Variants in TAFA2 observed in about 807,000 individuals in gnomAD.
TAFA2 encodes the protein TAFA chemokine like family member 2.
TAFA2 carries 7 observed loss-of-function variants against 18.8 expected under a neutral mutation model. The ratio of observed to expected loss-of-function variants is 0.37; its 90% confidence interval spans 0.21 to 0.70. The LOEUF (loss-of-function observed/expected upper bound fraction) is 0.70, where lower values mean the gene tolerates loss of function less well. Among genes scored for constraint, TAFA2 ranks in the 30% least tolerant of loss-of-function variants. The probability of loss-of-function intolerance (pLI) is 0.53; values close to 1 mark genes in which losing one functional copy is unlikely to be tolerated. For synonymous variants in TAFA2, 60 were observed against 54.2 expected (o/e 1.11, Z -0.47); for missense variants, 122 against 158.1 (o/e 0.77, Z 1.23).
chr12:62,172,731 C>T (rs2062486697), intron 1 of TAFA2, among the ~76,000 whole-genome samples: 1 of 152,138 alleles, frequency 6.6e-6, no homozygotes. Flanking sequence ...AGACTAATTG[C>T]ACACTGAAAG....
At chr12:62,066,015 A>T (rs1882476676) in intron 1 of TAFA2, among the ~76,000 whole-genome samples, 1 of 151,754 alleles carries the variant, frequency 6.6e-6, no homozygotes, top group Non-Finnish European at 1.5e-5. Context: ...AGGAACAGTA[A>T]TTTTTTCAAA....
intron 2 of TAFA2, among the ~76,000 whole-genome samples, chr12:61,811,315 C>T (rs893691140): frequency 6.6e-6 from 1 of 151,118 alleles, no homozygotes; most frequent in Non-Finnish European, 1.5e-5. Context: ...TATTAAGTTG[C>T]CCAAGATTAT....
At chr12:62,177,769 T>C (rs2062523384) in intron 1 of TAFA2, among the ~76,000 whole-genome samples, 1 of 152,170 alleles carries the variant, frequency 6.6e-6, no homozygotes, top group Non-Finnish European at 1.5e-5. Context: ...GACTCTTTTC[T>C]CTCCCACTAC....
intron 1 of TAFA2, among the ~76,000 whole-genome samples, chr12:62,084,556 G>A (rs1868378709): frequency 6.6e-6 from 1 of 152,112 alleles, no homozygotes; most frequent in African/African-American, 2.4e-5. Flanking sequence ...CCCAAAAGGA[G>A]AGAAAAAGAG....
Position 62,224,827 on chromosome 12 carries a change from C to T in TAFA2, c.-130+33936G>A, listed in dbSNP as rs374647650. On this transcript the variant is annotated intron_variant, in intron 1 of 5. Coordinates refer to the TAFA2 transcript ENST00000551619. ...AATGAGTGTACTTAATGCCACTCAA[C>T]TGTATACTTAAACATTGATAAAATA... is the stretch of plus-strand genomic sequence containing the variant. Among the ~76,000 whole-genome samples the T allele has an allele frequency of 2.6e-5, 4 of 152,096 alleles. No homozygotes were observed. In the East Asian group the frequency reaches 7.7e-4, roughly 29 times the overall value.
intron 1 of TAFA2, among the ~76,000 whole-genome samples, chr12:62,169,837 C>G (rs1263285655): frequency 8.1e-6 from 1 of 123,580 alleles, no homozygotes; most frequent in Non-Finnish European, 1.6e-5. Flanking sequence ...GGCGACAGGG[C>G]GAGACTCCGT....
intron 1 of TAFA2, among the ~76,000 whole-genome samples, chr12:61,896,784 AT>A (rs1424373312): frequency 4.6e-5 from 7 of 152,314 alleles, no homozygotes; most frequent in African/African-American, 1.7e-4. Flanking sequence ...CTAAATATAT[AT>A]TCTGATTTCT....
intron 1 of TAFA2, among the ~76,000 whole-genome samples, chr12:62,209,528 A>G (rs952452082): frequency 2.0e-5 from 3 of 152,252 alleles, no homozygotes; most frequent in Admixed American, 6.5e-5. Context: ...GTGAAAGTAC[A>G]TTCTGAAAGT....
intron 1 of TAFA2, among the ~76,000 whole-genome samples, chr12:62,247,267 C>T (rs748185480): frequency 6.6e-5 from 10 of 152,014 alleles, no homozygotes; most frequent in African/African-American, 2.2e-4. Flanking sequence ...ACTAATTCCT[C>T]GCCACCATTT....
At chr12:61,862,429 C>A (rs1421301176) in intron 2 of TAFA2, among the ~76,000 whole-genome samples, 1 of 152,146 alleles carries the variant, frequency 6.6e-6, no homozygotes, top group Non-Finnish European at 1.5e-5. Flanking sequence ...AAGATGACAA[C>A]AATTTCTGAT....
rs115865269 is a variant in TAFA2 at position 61,874,462 on chromosome 12, C to T, written c.-1-7036G>A. 4.1e-3 allele frequency among the ~76,000 whole-genome samples: 618 copies of T among 152,250 alleles called. 5 individuals are homozygous for T. Among genetic ancestry groups the T allele is most frequent in the African/African-American group, 0.014 (583 of 41,560 alleles). On this transcript the variant is annotated intron_variant, in intron 1 of 4. Coordinates refer to ENST00000416284, the MANE Select transcript of TAFA2 (RefSeq NM_178539.5). ...TCTAAGGATTTTCTGGCAACAAACA[C>T]AAGCCTCATTTAAGAACCACAATTA...
At chr12:61,788,284 T>C (rs1870822688) in intron 2 of TAFA2, among the ~76,000 whole-genome samples, 1 of 151,706 alleles carries the variant, frequency 6.6e-6, no homozygotes, top group African/African-American at 2.4e-5. Context: ...TATTCAGCAA[T>C]GGATGGGTTA....
chr12:61,714,248 T>C (rs540901218), intron 4 of TAFA2, among the ~76,000 whole-genome samples: 8 of 152,274 alleles, frequency 5.3e-5, no homozygotes, highest in African/African-American at 1.4e-4. Context: ...CTCAGTAAAT[T>C]TGCCTTTCCA....
chr12:61,772,414 G>A (rs1340172060), intron 2 of TAFA2, among the ~76,000 whole-genome samples: 1 of 151,612 alleles, frequency 6.6e-6, no homozygotes, highest in Admixed American at 6.6e-5. Flanking sequence ...AACCAGGAAA[G>A]GACATAACTA....
chr12:61,826,009 C>T (rs1258844592), intron 2 of TAFA2, among the ~76,000 whole-genome samples: 1 of 151,952 alleles, frequency 6.6e-6, no homozygotes, highest in African/African-American at 2.4e-5. Flanking sequence ...ATCCTTTGAG[C>T]AATTTTCTGA....
intron 1 of TAFA2, among the ~76,000 whole-genome samples, chr12:62,072,351 C>G (rs1882653421): frequency 6.6e-6 from 1 of 152,020 alleles, no homozygotes; most frequent in African/African-American, 2.4e-5. Flanking sequence ...CACCTGTAGT[C>G]CCAGCTACCG....
rs1877676107 is a variant in TAFA2, at chr12:61,934,274, GAGAGA to G, written c.-1-66853_-1-66849del. Among the ~76,000 whole-genome samples the G allele has an allele frequency of 2.6e-5, 4 of 152,278 alleles. No homozygotes were observed. The South Asian group carries it at 8.3e-4, about 32-fold the overall frequency. ...GAGTGGCCTAAGGTAATACTTATCA[GAGAGA>G]AGAGAATACTAGCACCCCTAGTCTG... On this transcript the variant is annotated intron_variant, in intron 1 of 4. Coordinates refer to ENST00000416284, the MANE Select transcript of TAFA2 (RefSeq NM_178539.5).
chr12:61,946,179 C>T (rs1421831822), intron 1 of TAFA2, among the ~76,000 whole-genome samples: 1 of 150,996 alleles, frequency 6.6e-6, no homozygotes, highest in Non-Finnish European at 1.5e-5. Context: ...TGATCTTTGA[C>T]AAACCTGAGA....
intron 1 of TAFA2, among the ~76,000 whole-genome samples, chr12:62,158,998 T>C (rs901663916): frequency 2.0e-5 from 3 of 152,214 alleles, no homozygotes; most frequent in Non-Finnish European, 4.4e-5. Context: ...CTTTACAGAT[T>C]ATACAGGTAT....
Sources: gnomAD v4.1 joint callset for allele counts (sites outside exome capture counted in the v4.1 genomes callset) on GRCh38, gnomAD v4.1.1 for gene constraint, MANE v1.5 for transcripts, NCBI Gene and HGNC (gene_info 2026-07-23, HGNC 2026-07-21) for gene names.